The following CACNG2 variants were observed in gnomAD, a reference collection of about 807,000 sequenced individuals.
CACNG2 encodes calcium voltage-gated channel auxiliary subunit gamma 2, also known as voltage-dependent calcium channel gamma-2 subunit.
A neutral mutation model predicts 25.9 loss-of-function variants in CACNG2; 3 were observed. The observed-to-expected ratio is 0.12, with a 90% confidence interval of 0.05 to 0.30. The LOEUF is 0.30. Ranked by LOEUF, CACNG2 falls within the 10% of genes least tolerant of loss-of-function variation. The pLI, the probability that CACNG2 is intolerant of heterozygous loss-of-function variation, is 1.00. For missense variants in CACNG2, 341 were observed against 432.5 expected, an observed-to-expected ratio of 0.79 and a Z score of 1.88; for synonymous variants, 167 against 173.3, an observed-to-expected ratio of 0.96 and a Z score of 0.29.
At chr22:36,648,753 A>G (rs779389404) in intron 1 of CACNG2, among the ~76,000 whole-genome samples, 17 of 152,156 alleles carry the variant, frequency 1.1e-4, no homozygotes, top group Non-Finnish European at 2.2e-4. Context: ...CAAAATGGGA[A>G]CCTGGGAATC....
At chr22:36,642,130 T>C (rs143457481) in intron 1 of CACNG2, among the ~76,000 whole-genome samples, 3 of 152,206 alleles carry the variant, frequency 2.0e-5, no homozygotes, top group Non-Finnish European at 4.4e-5. Context: ...TATAAAGATC[T>C]CAAGGCCAAG....
At chr22:36,638,897 T>TAGAC (rs1276894385) in intron 1 of CACNG2, among the ~76,000 whole-genome samples, 1 of 152,266 alleles carries the variant, frequency 6.6e-6, no homozygotes, top group Non-Finnish European at 1.5e-5. Context: ...AGCATATTTA[T>TAGAC]AGACTCCTGT....
chr22:36,648,137 C>T lies in CACNG2; in HGVS notation c.211+54229G>A, dbSNP rs147456283. Among the ~76,000 whole-genome samples, 126 of 152,306 alleles carry T rather than the reference C, an allele frequency of 8.3e-4. 1 individual carries two copies. The highest frequency in any genetic ancestry group is 6.8e-3 in the Middle Eastern group (2 of 294). ...AAGGTGCACACCAGCCAGTTAACAACATTGCCCAGCTCGACTACCAGCAAG... is the reference window on the plus strand; with the variant it reads ...AAGGTGCACACCAGCCAGTTAACAATATTGCCCAGCTCGACTACCAGCAAG... On this transcript the variant is annotated intron_variant, in intron 1 of 3. Transcript: ENST00000300105.
intron 2 of CACNG2, among the ~76,000 whole-genome samples, chr22:36,583,944 C>T (rs1245544053): frequency 6.6e-6 from 1 of 152,226 alleles, no homozygotes; most frequent in Non-Finnish European, 1.5e-5. Flanking sequence ...CCCCTCTGAT[C>T]CTCAAACATG....
intron 2 of CACNG2, 99 bp from the exon 3 acceptor site, chr22:36,566,592 T>G: frequency 7.8e-7 from 1 of 1,275,112 alleles, no homozygotes; most frequent in Admixed American, 1.7e-5. Flanking sequence ...CGCTGGGGGT[T>G]TATGGACACA....
chr22:36,607,856 C>T (rs571067757), intron 1 of CACNG2, among the ~76,000 whole-genome samples: 8 of 152,318 alleles, frequency 5.3e-5, no homozygotes, highest in East Asian at 1.9e-4. Flanking sequence ...CTCTCCCAGC[C>T]GAATTAAGCT....
chr22:36,699,685 T>C (rs1471769924), intron 1 of CACNG2, among the ~76,000 whole-genome samples: 1 of 151,706 alleles, frequency 6.6e-6, no homozygotes, highest in Non-Finnish European at 1.5e-5. Context: ...AGTCCAATTT[T>C]TCACACAAAA....
intron 2 of CACNG2, among the ~76,000 whole-genome samples, chr22:36,574,398 G>A (rs1439204724): frequency 6.6e-6 from 1 of 152,128 alleles, no homozygotes; most frequent in Non-Finnish European, 1.5e-5. Context: ...GTGGCGTTGA[G>A]GTTAACTTCT....
intron 2 of CACNG2, among the ~76,000 whole-genome samples, chr22:36,570,531 G>T (rs1935207751): frequency 6.6e-6 from 1 of 152,054 alleles, no homozygotes; most frequent in Admixed American, 6.5e-5. Flanking sequence ...AGGCAGAGGT[G>T]GGTGGATCAC....
intron 1 of CACNG2, among the ~76,000 whole-genome samples, chr22:36,652,855 C>A (rs530905161): frequency 6.6e-6 from 1 of 152,242 alleles, no homozygotes; most frequent in Non-Finnish European, 1.5e-5. Flanking sequence ...CACACCCCAT[C>A]CCAAGGAGGC....
At chr22:36,690,047 C>T (rs967444678) in intron 1 of CACNG2, among the ~76,000 whole-genome samples, 2 of 152,272 alleles carry the variant, frequency 1.3e-5, no homozygotes, top group African/African-American at 4.8e-5. Flanking sequence ...TTCCCTCTGT[C>T]TCTGTGAGCT....
Position 36,562,062 on chromosome 22 carries a change from G to A in CACNG2, c.*2289C>T, listed in dbSNP as rs1007871170. 1.3e-5 allele frequency: 2 copies of A among 152,258 alleles called. No individual in the cohort carries two copies. The highest frequency in any genetic ancestry group is 4.8e-5 in the African/African-American group (2 of 41,454). The allele number at this position is 152,258 out of a possible 1,614,324, so 9.4% of individuals were successfully genotyped here. A position where few individuals can be genotyped will look rare whatever the true frequency, so the allele number is the denominator to read the frequency against. On this transcript the variant is annotated 3_prime_UTR_variant, in exon 4 of 4. Coordinates refer to ENST00000300105, the MANE Select transcript of CACNG2 (RefSeq NM_006078.5). ...TGATCGCAGCAAGGGGACACAAAGT[G>A]AAGAAGGGCTTTGGGGACCCCTGCG...
At chr22:36,568,716 ATG>A (rs1935172676) in intron 2 of CACNG2, among the ~76,000 whole-genome samples, 1 of 152,076 alleles carries the variant, frequency 6.6e-6, no homozygotes, top group Non-Finnish European at 1.5e-5. Flanking sequence ...GTTTGCTGAG[ATG>A]TGTGTGATGT....
chr22:36,699,237 T>A (rs868371467), intron 1 of CACNG2, among the ~76,000 whole-genome samples: 1 of 141,904 alleles, frequency 7.0e-6, no homozygotes, highest in Non-Finnish European at 1.5e-5. Context: ...GATTTCAAGT[T>A]CACACACACA....
intron 1 of CACNG2, among the ~76,000 whole-genome samples, chr22:36,663,749 C>T (rs546371342): frequency 2.6e-5 from 4 of 152,240 alleles, no homozygotes; most frequent in African/African-American, 7.2e-5. Flanking sequence ...CTAGCAGGAC[C>T]GCGTCATGGG....
intron 2 of CACNG2, among the ~76,000 whole-genome samples, chr22:36,578,233 G>A (rs1165558306): frequency 6.6e-6 from 1 of 151,946 alleles, no homozygotes; most frequent in Non-Finnish European, 1.5e-5. Flanking sequence ...TGGGTGTGAT[G>A]GCGTGCACCT....
intron 1 of CACNG2, among the ~76,000 whole-genome samples, chr22:36,691,129 A>T (rs1485693382): frequency 6.6e-6 from 1 of 152,222 alleles, no homozygotes; most frequent in African/African-American, 2.4e-5. Flanking sequence ...CTCATGATCT[A>T]GAGGAAGACA....
chr22:36,684,098 C>T (rs1937164989), intron 1 of CACNG2, among the ~76,000 whole-genome samples: 3 of 152,160 alleles, frequency 2.0e-5, no homozygotes, highest in Admixed American at 2.0e-4. Context: ...GTCTTTCAAA[C>T]CCCGTGGATG....
At chr22:36,689,488 A>G (rs1937242170) in intron 1 of CACNG2, among the ~76,000 whole-genome samples, 1 of 152,232 alleles carries the variant, frequency 6.6e-6, no homozygotes, top group Admixed American at 6.5e-5. Context: ...GAACTAGCAC[A>G]GAGTCTGGCT....
Sources: allele counts gnomAD v4.1 joint callset (sites outside exome capture counted in the v4.1 genomes callset), GRCh38; gene constraint gnomAD v4.1.1; transcripts MANE v1.5; gene names NCBI Gene and HGNC (gene_info 2026-07-23, HGNC 2026-07-21).